CACNA2D3: variants seen among roughly 807,000 people sequenced by gnomAD.
CACNA2D3 encodes voltage-dependent calcium channel subunit alpha-2/delta-3.
CACNA2D3 carries 60 observed loss-of-function variants against 160.6 expected under a neutral mutation model. The observed-to-expected ratio is 0.37, with a 90% CI of 0.30 to 0.46. CACNA2D3 has a LOEUF of 0.46. CACNA2D3 is among the 20% of genes least tolerant of loss of function. The pLI, the probability that CACNA2D3 is intolerant of heterozygous loss-of-function variation, is 1.00. For synonymous variants in CACNA2D3, 558 were observed against 492.9 expected (o/e 1.13, Z -1.75); for missense variants, 1,205 against 1,365.0 (o/e 0.88, Z 1.85).
At chr3:54,174,673 C>T (rs984505313) in intron 2 of CACNA2D3, among the ~76,000 whole-genome samples, 8 of 152,096 alleles carry the variant, frequency 5.3e-5, no homozygotes, top group East Asian at 1.9e-4. Flanking sequence ...TACAGGCGCC[C>T]GCCACCACGC....
intron 5 of CACNA2D3, among the ~76,000 whole-genome samples, chr3:54,536,473 A>C (rs1200421334): frequency 2.6e-5 from 4 of 152,246 alleles, no homozygotes; most frequent in Non-Finnish European, 5.9e-5. Context: ...CCCACCCCAC[A>C]AGGGATTATC....
chr3:54,464,641 G>T (rs1048711613), intron 4 of CACNA2D3, among the ~76,000 whole-genome samples: 31 of 152,236 alleles, frequency 2.0e-4, no homozygotes, highest in Non-Finnish European at 3.4e-4. Context: ...GGCAGTATTA[G>T]GGTGGGAGTG....
At chr3:54,367,539 A>G (rs1158625098) in intron 3 of CACNA2D3, 2 of 320,016 alleles carry the variant, frequency 6.2e-6, no homozygotes, top group Non-Finnish European at 1.3e-5. Flanking sequence ...TGCAGGGCTC[A>G]TGAGGAATGA....
At position 54,670,683 on chromosome 3, in the gene CACNA2D3, C is replaced by G. The variant is rs556608796; in HGVS notation, c.1167+28442C>G. On this transcript the variant is annotated intron_variant, in intron 11 of 37. Transcript: ENST00000474759. ...CTGGACTGTCAGGGTCCTGTTCTTTCTTCCTGTGATAGGTCTTGGTCTTTG... is the reference window on the plus strand; with the variant it reads ...CTGGACTGTCAGGGTCCTGTTCTTTGTTCCTGTGATAGGTCTTGGTCTTTG... Among the ~76,000 whole-genome samples the G allele has an allele frequency of 2.0e-5, 3 of 152,318 alleles. No individual in the cohort carries two copies. The East Asian group carries it at 5.8e-4, about 29-fold the overall frequency.
At chr3:55,043,858 C>T (rs1035671851) in intron 35 of CACNA2D3, among the ~76,000 whole-genome samples, 6 of 152,272 alleles carry the variant, frequency 3.9e-5, no homozygotes, top group African/African-American at 1.4e-4. Context: ...ATTCCATTAT[C>T]ATTTGTTGAA....
chr3:54,712,675 G>A (rs1284888897), intron 11 of CACNA2D3, among the ~76,000 whole-genome samples: 1 of 152,186 alleles, frequency 6.6e-6, no homozygotes, highest in Non-Finnish European at 1.5e-5. Flanking sequence ...TTTATCAGAA[G>A]CATGTAAACG....
intron 11 of CACNA2D3, among the ~76,000 whole-genome samples, chr3:54,736,131 G>T (rs6772607): frequency 4.7e-5 from 2 of 42,298 alleles, no homozygotes; most frequent in Admixed American, 2.5e-4. Flanking sequence ...ATATATATAT[G>T]TATATATATA....
At chr3:54,358,470 G>C (rs1023294456) in intron 3 of CACNA2D3, among the ~76,000 whole-genome samples, 2 of 152,318 alleles carry the variant, frequency 1.3e-5, no homozygotes, top group African/African-American at 4.8e-5. Flanking sequence ...CAGGCCACTC[G>C]ACGTCTCCAT....
intron 4 of CACNA2D3, among the ~76,000 whole-genome samples, chr3:54,484,023 G>C (rs995562281): frequency 6.6e-5 from 10 of 152,172 alleles, no homozygotes; most frequent in Admixed American, 6.5e-4. Context: ...CCTAGCTGTA[G>C]GACCTTCAGA....
At chr3:54,766,732 C>T (rs1559575072) in intron 13 of CACNA2D3, among the ~76,000 whole-genome samples, 1 of 152,060 alleles carries the variant, frequency 6.6e-6, no homozygotes, top group African/African-American at 2.4e-5. Context: ...ATGGTACCTA[C>T]ACCTAATGGA....
intron 9 of CACNA2D3, among the ~76,000 whole-genome samples, chr3:54,595,313 G>GGT (rs71637562): frequency 0.026 from 3,487 of 132,134 alleles, 54 homozygotes; most frequent in East Asian, 0.05. Context: ...CTGTGTGTGT[G>GGT]GTGTGTGTGT....
chr3:54,217,872 C>G (rs916926035), intron 2 of CACNA2D3, among the ~76,000 whole-genome samples: 2 of 150,322 alleles, frequency 1.3e-5, no homozygotes, highest in Non-Finnish European at 1.5e-5. Flanking sequence ...CAGAGAGAGA[C>G]AGAGAGAGAG....
In CACNA2D3 at chr3:54,899,771, G is replaced by T; in HGVS notation, c.2369-17G>T. 6.3e-7 allele frequency: 1 copy of T among 1,577,772 alleles called. No homozygotes were observed. The highest frequency in any genetic ancestry group is 1.7e-5 in the Admixed American group (1 of 58,070). On this transcript the variant is annotated splice_polypyrimidine_tract_variant and intron_variant, in intron 26 of 37. Transcript: ENST00000474759. ...TAATTATCTTCATTTTTGTTGTGGTGTTTTTTCTTTTCACAGGACCAGTCA... is the reference window on the plus strand; with the variant it reads ...TAATTATCTTCATTTTTGTTGTGGTTTTTTTTCTTTTCACAGGACCAGTCA...
chr3:54,608,154 GT>G (rs2106784659), intron 9 of CACNA2D3, among the ~76,000 whole-genome samples: 1 of 152,276 alleles, frequency 6.6e-6, no homozygotes, highest in South Asian at 2.1e-4. Context: ...AAAAATGAAT[GT>G]GAAAACTGGT....
intron 4 of CACNA2D3, among the ~76,000 whole-genome samples, chr3:54,428,290 A>G (rs1422252731): frequency 1.3e-5 from 2 of 152,236 alleles, no homozygotes; most frequent in Non-Finnish European, 2.9e-5. Flanking sequence ...GCAACTTAAC[A>G]GTTTCTTCCA....
intron 32 of CACNA2D3, among the ~76,000 whole-genome samples, chr3:55,006,925 G>A (rs73845248): frequency 0.01 from 1,576 of 152,246 alleles, 33 homozygotes; most frequent in African/African-American, 0.036. Context: ...ATATCTAAAG[G>A]CAACCACAAA....
chr3:54,418,464 T>G (rs746478609), intron 4 of CACNA2D3, among the ~76,000 whole-genome samples: 1 of 152,034 alleles, frequency 6.6e-6, no homozygotes, highest in Non-Finnish European at 1.5e-5. Flanking sequence ...TTTTTTGAAA[T>G]CCAGGTCAAG....
intron 2 of CACNA2D3, among the ~76,000 whole-genome samples, chr3:54,159,634 C>T (rs1170483350): frequency 1.3e-5 from 2 of 152,124 alleles, no homozygotes; most frequent in African/African-American, 4.8e-5. Context: ...ATCAAGTTCC[C>T]ATGGGCTTAA....
chr3:54,591,399 C>T (rs1466165740), intron 9 of CACNA2D3, among the ~76,000 whole-genome samples: 3 of 152,064 alleles, frequency 2.0e-5, no homozygotes, highest in Non-Finnish European at 2.9e-5. Context: ...GTGCCTATAC[C>T]TGTGGCTGAG....
Sources: gnomAD v4.1 joint callset for allele counts (sites outside exome capture counted in the v4.1 genomes callset) on GRCh38, gnomAD v4.1.1 for gene constraint, MANE v1.5 for transcripts, NCBI Gene and HGNC (gene_info 2026-07-23, HGNC 2026-07-21) for gene names.